Variants in CELF4 observed in about 807,000 individuals in gnomAD.
CELF4 encodes the protein CUGBP Elav-like family member 4, also known as CUG-BP- and ETR-3-like factor 4.
In CELF4, 18 loss-of-function variants were observed where a neutral mutation model predicts 59.9. The observed-to-expected ratio is 0.30, with a 90% CI of 0.21 to 0.45. The LOEUF is 0.45. CELF4 is among the 20% of genes least tolerant of loss of function. CELF4 has a pLI of 1.00. For missense variants in CELF4, 456 were observed against 689.0 expected (o/e 0.66, Z 3.79); for synonymous variants, 261 against 267.1 (o/e 0.98, Z 0.22).
chr18:37,384,722 C>T (rs1451519085), intron 2 of CELF4, among the ~76,000 whole-genome samples: 1 of 152,164 alleles, frequency 6.6e-6, no homozygotes, highest in African/African-American at 2.4e-5. Context: ...CTTCAGCTGG[C>T]CAGAGTGGCT....
At chr18:37,564,745 C>G (rs543211604) in intron 1 of CELF4, among the ~76,000 whole-genome samples, 1 of 152,088 alleles carries the variant, frequency 6.6e-6, no homozygotes, top group South Asian at 2.1e-4. Context: ...CCAACCCCCC[C>G]ACCCCCAACA....
At chr18:37,356,860 A>G (rs1263504563) in intron 2 of CELF4, among the ~76,000 whole-genome samples, 1 of 152,080 alleles carries the variant, frequency 6.6e-6, no homozygotes, top group Admixed American at 6.5e-5. Flanking sequence ...GGCACTCGGC[A>G]CCTTGCTTAG....
intron 9 of CELF4, among the ~76,000 whole-genome samples, chr18:37,265,326 G>T (rs1485311401): frequency 6.6e-6 from 1 of 152,150 alleles, no homozygotes; most frequent in African/African-American, 2.4e-5. Context: ...GAGGCAAGTT[G>T]AATTTCAAAT....
intron 2 of CELF4, among the ~76,000 whole-genome samples, chr18:37,411,744 C>T (rs910131172): frequency 6.6e-6 from 1 of 152,302 alleles, no homozygotes; most frequent in African/African-American, 2.4e-5. Flanking sequence ...AGCAGCTTAT[C>T]GAGAAGGGCA....
At chr18:37,333,267 C>T (rs941211803) in intron 2 of CELF4, among the ~76,000 whole-genome samples, 2 of 152,052 alleles carry the variant, frequency 1.3e-5, no homozygotes, top group African/African-American at 2.4e-5. Flanking sequence ...CTCTGAACAT[C>T]GTGCCTGGCA....
At chr18:37,365,414 C>T (rs2098763559) in intron 2 of CELF4, among the ~76,000 whole-genome samples, 1 of 131,574 alleles carries the variant, frequency 7.6e-6, no homozygotes, top group Admixed American at 8.1e-5. Context: ...GAGCCAAGGG[C>T]TGGGGTGGGA....
chr18:37,514,822 A>G (rs892496101), intron 1 of CELF4, among the ~76,000 whole-genome samples: 3 of 152,150 alleles, frequency 2.0e-5, no homozygotes, highest in African/African-American at 7.2e-5. Context: ...TAAAAAAATC[A>G]TTTACTGTGG....
intron 1 of CELF4, among the ~76,000 whole-genome samples, chr18:37,544,390 T>C (rs1184192517): frequency 1.3e-5 from 2 of 152,186 alleles, no homozygotes; most frequent in Non-Finnish European, 2.9e-5. Context: ...CTCAGTGCTA[T>C]GCATTGCATG....
chr18:37,394,899 G>C (rs1028978507), intron 2 of CELF4, among the ~76,000 whole-genome samples: 15 of 151,308 alleles, frequency 9.9e-5, no homozygotes, highest in Admixed American at 4.6e-4. Flanking sequence ...TGGCAGGCCT[G>C]TCTGGTGGCC....
chr18:37,440,030 G>C (rs2099707438), intron 2 of CELF4, among the ~76,000 whole-genome samples: 1 of 152,194 alleles, frequency 6.6e-6, no homozygotes, highest in African/African-American at 2.4e-5. Context: ...GATGGCTCCT[G>C]CTTCCTTCAT....
chr18:37,308,435 C>T (rs952171435), intron 3 of CELF4, among the ~76,000 whole-genome samples: 68 of 152,346 alleles, frequency 4.5e-4, no homozygotes, highest in African/African-American at 1.6e-3. Context: ...AGACCCTTCC[C>T]TGACTGCTCC....
At chr18:37,280,052 T>G (rs77770028) in intron 3 of CELF4, among the ~76,000 whole-genome samples, 1 of 152,108 alleles carries the variant, frequency 6.6e-6, no homozygotes, top group African/African-American at 2.4e-5. Context: ...AGGACGTAGG[T>G]GCTCATCCCA....
chr18:37,276,124 G>A (rs1245540741), intron 3 of CELF4: 1 of 152,160 alleles, frequency 6.6e-6, no homozygotes, highest in Admixed American at 6.5e-5. Context: ...TTCGACCCTG[G>A]ACACTTTGGG....
intron 1 of CELF4, among the ~76,000 whole-genome samples, chr18:37,541,234 C>A (rs2099977559): frequency 6.6e-6 from 1 of 152,070 alleles, no homozygotes; most frequent in Admixed American, 6.6e-5. Flanking sequence ...ATCTAACAGG[C>A]CTCCCGCTCT....
In CELF4 at chr18:37,342,600, T is replaced by C. The variant is rs116912744; in HGVS notation, c.370-20719A>G. Reference sequence around the variant, plus strand: ...GGAAACAGCTCCACTGGGCCTCAGGTCTCCCCAGGGAGTGCAGGCCAGGGT... The same window carrying C: ...GGAAACAGCTCCACTGGGCCTCAGGCCTCCCCAGGGAGTGCAGGCCAGGGT... On this transcript the variant is annotated intron_variant, in intron 2 of 12. Transcript: ENST00000420428. 7.1e-4 allele frequency among the ~76,000 whole-genome samples: 108 copies of C among 152,130 alleles called. 1 individual carries two copies. The East Asian group carries it at 0.02, about 28-fold the overall frequency.
chr18:37,284,134 G>T (rs1204039307), intron 3 of CELF4, among the ~76,000 whole-genome samples: 1 of 143,994 alleles, frequency 6.9e-6, no homozygotes, highest in Non-Finnish European at 1.5e-5. Flanking sequence ...CCTCAACACA[G>T]ATACACATAC....
intron 1 of CELF4, among the ~76,000 whole-genome samples, chr18:37,546,645 C>T (rs539743380): frequency 6.6e-6 from 1 of 152,204 alleles, no homozygotes; most frequent in African/African-American, 2.4e-5. Flanking sequence ...TCCAGAACAG[C>T]GTAGAAAACA....
intron 1 of CELF4, among the ~76,000 whole-genome samples, chr18:37,498,615 C>G (rs1296714407): frequency 6.6e-6 from 1 of 151,960 alleles, no homozygotes; most frequent in African/African-American, 2.4e-5. Context: ...TTTCCCCCGA[C>G]CATCCCAGGC....
At chr18:37,531,833 TG>T (rs1282675870) in intron 1 of CELF4, among the ~76,000 whole-genome samples, 2 of 152,170 alleles carry the variant, frequency 1.3e-5, no homozygotes, top group Non-Finnish European at 2.9e-5. Context: ...TTAGGGTCCT[TG>T]GGTGCAGGGC....
Sources: gnomAD v4.1 joint callset for allele counts (sites outside exome capture counted in the v4.1 genomes callset) on GRCh38, gnomAD v4.1.1 for gene constraint, MANE v1.5 for transcripts, NCBI Gene and HGNC (gene_info 2026-07-23, HGNC 2026-07-21) for gene names.